Variants in TOP2A observed in about 807,000 individuals in gnomAD.
TOP2A encodes the protein DNA topoisomerase II alpha.
Under a neutral mutation model 187.2 loss-of-function variants are expected in TOP2A, and 68 were observed. The ratio of observed to expected loss-of-function variants is 0.36; its 90% confidence interval spans 0.30 to 0.44. The LOEUF (loss-of-function observed/expected upper bound fraction) is 0.44. TOP2A is among the 20% of genes least tolerant of loss of function. The pLI is 1.00. For synonymous variants in TOP2A, 542 were observed against 593.2 expected, an observed-to-expected ratio of 0.91 and a Z score of 1.25; for missense variants, 1,196 against 1,808.7, an observed-to-expected ratio of 0.66 and a Z score of 6.14.
rs367747137 is a variant in TOP2A, at chr17:40,412,642, T to TCAAA, written c.789+113_789+116dup. ...CCGGGCAACAGTGTGAGACTCTGTC[T>TCAAA]CAAACAAACAAACAAACAAACAAAC... On this transcript the variant is annotated intron_variant, in intron 7 of 34. Transcript: ENST00000423485. 643 of 888,068 alleles carry TCAAA rather than the reference T, an allele frequency of 7.2e-4. 1 individual carries two copies. Among genetic ancestry groups the TCAAA allele is most frequent in the African/African-American group, 3.6e-3 (215 of 59,308 alleles). 55.0% of individuals were successfully genotyped at this position (888,068 alleles called of 1,614,324 possible). A position where few individuals can be genotyped will look rare whatever the true frequency, so the allele number is the denominator to read the frequency against.
chr17:40,407,351 G>C (rs751066836), intron 13 of TOP2A, among the ~76,000 whole-genome samples, 198 bp downstream of exon 13: 4 of 151,986 alleles, frequency 2.6e-5, no homozygotes, highest in Admixed American at 6.6e-5. Context: ...AATCAAAAAA[G>C]GTCTGTTCAA....
intron 29 of TOP2A, among the ~76,000 whole-genome samples, chr17:40,393,707 T>C (rs2035055162): frequency 1.3e-5 from 2 of 152,266 alleles, no homozygotes; most frequent in Middle Eastern, 3.4e-3. Flanking sequence ...CCTTACACCA[T>C]ATACAAAAAC....
At position 40,408,649 on chromosome 17, in the gene TOP2A, A is replaced by T. The variant is rs747299454; in HGVS notation, c.1204-19T>A. ...CAATGGCCTGAAAACGAGAAGATTC[A>T]TATTAGGGATCATATTAGGGAAGAA... On this transcript the variant is annotated intron_variant, in intron 10 of 34. Transcript: ENST00000423485. The T allele has an allele frequency of 6.2e-7, 1 of 1,612,400 alleles. No homozygotes were observed.
chr17:40,400,547 G>T lies in TOP2A; in HGVS notation c.2781C>A (p.Pro927=), dbSNP rs61749876. The change falls in exon 22 of 35, where the codon CCC becomes CCA. Residue 927 remains proline, a synonymous_variant. Transcript: ENST00000423485. ...NSTTIEISEL[P]VRTWTQTYKE... is the part of the protein sequence containing the mutation. ...TATTTACCTGGGTCCATGTTCTGAC[G>T]GGAAGCTCTGAGATTTCAATGGTTG... The T allele has an allele frequency of 1.2e-6, 2 of 1,609,078 alleles. No homozygotes were observed. The highest frequency in any genetic ancestry group is 2.2e-5 in the South Asian group (2 of 89,480).
chr17:40,405,837 G>T (rs752715884), intron 16 of TOP2A, among the ~76,000 whole-genome samples: 9 of 151,620 alleles, frequency 5.9e-5, no homozygotes, highest in Admixed American at 5.3e-4. Flanking sequence ...CCTGATCTCG[G>T]CTCACTGCAA....
At chr17:40,403,752 TTCTG>T (rs2035208302) in intron 19 of TOP2A, among the ~76,000 whole-genome samples, 1 of 152,304 alleles carries the variant, frequency 6.6e-6, no homozygotes, top group East Asian at 1.9e-4. Flanking sequence ...TTAGTTATTG[TTCTG>T]TCTCTTTTTT....
chr17:40,394,014 C>T (rs944021714), intron 29 of TOP2A, among the ~76,000 whole-genome samples: 1 of 148,104 alleles, frequency 6.8e-6, no homozygotes, highest in Non-Finnish European at 1.5e-5. Flanking sequence ...CGAGATCTCA[C>T]TACTACTGCA....
chr17:40,411,133 T>G lies in TOP2A; in HGVS notation c.1179A>C (p.Gln393His), dbSNP rs1434482245. The change falls in exon 10 of 35, where the codon CAA (glutamine) becomes CAC (histidine). Residue 393 changes from glutamine to histidine, a missense_variant. Coordinates refer to ENST00000423485, the MANE Select transcript of TOP2A (RefSeq NM_001067.4). This position sits in a 1 kb window ranked among gnomAD's most constrained non-coding sequence, Gnocchi z 4.4. ...CAGCTTTGATAAATTTTTCACTCAA[T>G]TGGCATGTTGATCCAAAGCTCTTGG... is the stretch of plus-strand genomic sequence containing the variant. ...LQPKSFGSTC[Q>H]LSEKFIKAAI... 1.6e-5 allele frequency: 26 copies of G among 1,609,740 alleles called. No homozygotes were observed. Among genetic ancestry groups the G allele is most frequent in the Non-Finnish European group, 2.0e-5 (24 of 1,178,686 alleles).
chr17:40,399,778 G>T, intron 24 of TOP2A, 94 bp downstream of exon 24: 2 of 978,706 alleles, frequency 2.0e-6, no homozygotes, highest in Non-Finnish European at 3.0e-6. Context: ...AATGGATTTT[G>T]CCTCTTTCTC....
intron 10 of TOP2A, chr17:40,409,727 C>T: frequency 4.8e-6 from 1 of 210,426 alleles, no homozygotes; most frequent in South Asian, 6.1e-5. Flanking sequence ...TTGCAATGAG[C>T]CAGGATTACG....
intron 1 of TOP2A, chr17:40,417,521 C>T: frequency 2.1e-6 from 3 of 1,420,106 alleles, no homozygotes; most frequent in Non-Finnish European, 2.8e-6. Context: ...ACTACGGGAC[C>T]AACGGACTCC....
chr17:40,402,765 T>G, intron 20 of TOP2A, 141 bp downstream of exon 20: 1 of 777,070 alleles, frequency 1.3e-6, no homozygotes, highest in Non-Finnish European at 2.0e-6. Flanking sequence ...GGGGCTTTCC[T>G]GTATAAGCCT....
At chr17:40,396,571 A>G in intron 27 of TOP2A, 106 bp from the exon 28 acceptor site, 1 of 1,391,130 alleles carries the variant, frequency 7.2e-7, no homozygotes. Flanking sequence ...CTTAAAAACT[A>G]GTGATAAATT....
chr17:40,412,633 G>A (rs961437052), intron 7 of TOP2A, 126 bp downstream of exon 7: 2 of 809,248 alleles, frequency 2.5e-6, no homozygotes, highest in Non-Finnish European at 3.9e-6. Flanking sequence ...AACAGTGTGA[G>A]ACTCTGTCTC....
At position 40,395,442 on chromosome 17, in the gene TOP2A, G is replaced by GT. The variant is rs772402599; in HGVS notation, c.3811+6dup. The stretch of plus-strand genomic sequence containing the variant: ...TTTATACCATTTTTCTAAAAATGTT[G>GT]TAATACCTGGTTCTCTTTTCTGTTT... On this transcript the variant is annotated splice_region_variant and intron_variant, in intron 29 of 34. Coordinates refer to ENST00000423485, the MANE Select transcript of TOP2A (RefSeq NM_001067.4). 6.3e-7 allele frequency: 1 copy of GT among 1,581,214 alleles called. No homozygotes were observed. The highest frequency in any genetic ancestry group is 1.1e-5 in the South Asian group (1 of 88,814).
intron 2 of TOP2A, 27 bp from the exon 3 acceptor site, chr17:40,416,539 TA>T: frequency 6.6e-7 from 1 of 1,516,672 alleles, no homozygotes; most frequent in Non-Finnish European, 9.1e-7. Context: ...GAAATACTGT[TA>T]TTTTTATTCT....
chr17:40,406,627 A>G lies in TOP2A; in HGVS notation c.1800T>C (p.Ser600=), dbSNP rs779390067. The change falls in exon 15 of 35, where the codon AGT becomes AGC. Residue 600 remains serine, a synonymous_variant. Transcript: ENST00000423485. ...TCCATTTTTTATGATTTGGAGTAGA[A>G]CTCTTCCACTCTTCAAATTCAGGAA... ...YSLPEFEEWK[S]STPNHKKWKV... is the part of the protein sequence containing the mutation. 1.2e-6 allele frequency: 2 copies of G among 1,612,120 alleles called. No individual in the cohort carries two copies. The highest frequency in any genetic ancestry group is 4.5e-5 in the East Asian group (2 of 44,878).
intron 24 of TOP2A, among the ~76,000 whole-genome samples, chr17:40,399,627 T>G (rs968614484): frequency 6.6e-6 from 1 of 152,178 alleles, no homozygotes; most frequent in Non-Finnish European, 1.5e-5. Flanking sequence ...GTCTTCTAGC[T>G]CTCTATTCTC....
At chr17:40,409,308 G>GC in intron 10 of TOP2A, 1 of 345,590 alleles carries the variant, frequency 2.9e-6, no homozygotes, top group Non-Finnish European at 5.5e-6. Context: ...CCTGGGAGGC[G>GC]CGGGTTGCAG....
Sources: allele counts gnomAD v4.1 joint callset (sites outside exome capture counted in the v4.1 genomes callset), GRCh38; gene constraint gnomAD v4.1.1; non-coding constraint Gnocchi (gnomAD v3.1); transcripts MANE v1.5; gene names NCBI Gene and HGNC (gene_info 2026-07-23, HGNC 2026-07-21).